Variants in TCF20 observed in about 807,000 individuals in gnomAD.
The protein encoded by TCF20 is transcription factor 20.
In TCF20, 3 loss-of-function variants were observed where a neutral mutation model predicts 148.6. The ratio of observed to expected loss-of-function variants is 0.02; its 90% CI spans 0.01 to 0.05. The LOEUF is 0.05. TCF20 is among the 10% of genes least tolerant of loss of function. The pLI, the probability that TCF20 is intolerant of heterozygous loss-of-function variation, is 1.00. For synonymous variants in TCF20, 1,049 were observed against 909.5 expected, an observed-to-expected ratio of 1.15 and a Z score of -2.76; for missense variants, 2,350 against 2,429.3, an observed-to-expected ratio of 0.97 and a Z score of 0.69.
intron 1 of TCF20, among the ~76,000 whole-genome samples, chr22:42,226,774 A>C (rs1257644944): frequency 6.6e-6 from 1 of 152,178 alleles, no homozygotes; most frequent in Non-Finnish European, 1.5e-5. Flanking sequence ...GATATCAATG[A>C]CCAATCCAAA....
At chr22:42,191,864 G>C (rs1321886708) in intron 2 of TCF20, among the ~76,000 whole-genome samples, 1 of 152,308 alleles carries the variant, frequency 6.6e-6, no homozygotes, top group Admixed American at 6.5e-5. Flanking sequence ...AACCCAGCAG[G>C]AGTAGGAGAC....
At position 42,214,902 on chromosome 22, in the gene TCF20, T is replaced by A. The variant is rs745960358; in HGVS notation, c.404A>T (p.His135Leu). The A allele has an allele frequency of 6.2e-7, 1 of 1,614,070 alleles. No individual in the cohort carries two copies. Among genetic ancestry groups the A allele is most frequent in the African/African-American group, 1.3e-5 (1 of 74,926 alleles). Residue 135 changes from histidine to leucine, a missense_variant, in exon 2 of 6, where the codon CAT becomes CTT. Transcript: ENST00000677622. Reference sequence around the variant, plus strand: ...GTGCTGTGCTTGAAACTGGCCCACATGACCCTCACTCCCATACTGATTGCC... The same window carrying A: ...GTGCTGTGCTTGAAACTGGCCCACAAGACCCTCACTCCCATACTGATTGCC... ...SFGNQYGSEGHVGQFQAQHSG... is the reference protein window; with the variant it reads ...SFGNQYGSEGLVGQFQAQHSG...
chr22:42,336,884 C>A (rs1463741088), intron 1 of TCF20, among the ~76,000 whole-genome samples: 3 of 152,188 alleles, frequency 2.0e-5, no homozygotes, highest in Non-Finnish European at 4.4e-5. Flanking sequence ...CAGCGGTATC[C>A]ACATGTGCAC....
At chr22:42,177,773 C>T (rs1269849379) in intron 3 of TCF20, among the ~76,000 whole-genome samples, 2 of 152,162 alleles carry the variant, frequency 1.3e-5, no homozygotes, top group Admixed American at 6.5e-5. Flanking sequence ...TCCTAAAACC[C>T]GTGTAAATTC....
At chr22:42,191,297 T>C (rs1479550730) in intron 2 of TCF20, among the ~76,000 whole-genome samples, 3 of 152,166 alleles carry the variant, frequency 2.0e-5, no homozygotes, top group African/African-American at 7.2e-5. Context: ...TTGCATTTTA[T>C]TATTATTTTT....
chr22:42,244,184 A>G (rs145787723), intron 1 of TCF20, among the ~76,000 whole-genome samples: 169 of 152,340 alleles, frequency 1.1e-3, no homozygotes, highest in African/African-American at 4.0e-3. Context: ...AGCCTGGGCC[A>G]CACATGGGAA....
rs772830351 is a variant in TCF20, at chr22:42,211,208, C to T, written c.4098G>A (p.Arg1366=). 8 of 1,614,060 alleles carry T rather than the reference C, an allele frequency of 5.0e-6. No homozygotes were observed. Among genetic ancestry groups the T allele is most frequent in the Non-Finnish European group, 6.8e-6 (8 of 1,180,046 alleles). The part of the protein sequence containing the change: ...VQKITSPNIR[R]SASSNSAEAG... ...CCTCCGCACTGTTCGAAGATGCGCT[C>T]CTCCTAATATTTGGGGATGTAATCT... Residue 1366 remains arginine (R), a synonymous_variant, in exon 2 of 6, where the codon AGG becomes AGA. Coordinates refer to ENST00000677622, the MANE Select transcript of TCF20 (RefSeq NM_001378418.1).
intron 1 of TCF20, among the ~76,000 whole-genome samples, chr22:42,233,360 C>T (rs1923602324): frequency 6.6e-6 from 1 of 152,220 alleles, no homozygotes; most frequent in Non-Finnish European, 1.5e-5. Context: ...GGAAGACAGG[C>T]TGGGACTAAC....
intron 1 of TCF20, among the ~76,000 whole-genome samples, chr22:42,238,513 T>A (rs548646138): frequency 6.6e-6 from 1 of 152,262 alleles, no homozygotes; most frequent in Non-Finnish European, 1.5e-5. Flanking sequence ...TTTGGTGCAA[T>A]AGGCCTAGTA....
At chr22:42,206,724 A>C (rs1938414077) in intron 2 of TCF20, among the ~76,000 whole-genome samples, 1 of 152,204 alleles carries the variant, frequency 6.6e-6, no homozygotes, top group Non-Finnish European at 1.5e-5. Flanking sequence ...GGACATGATA[A>C]GAGTAAAGGG....
chr22:42,183,483 G>A (rs1156620604), intron 2 of TCF20, among the ~76,000 whole-genome samples: 1 of 152,180 alleles, frequency 6.6e-6, no homozygotes, highest in Non-Finnish European at 1.5e-5. Flanking sequence ...TGCCAGCAGG[G>A]TCATAGGTGC....
chr22:42,180,366 T>C (rs1220476142), intron 2 of TCF20, among the ~76,000 whole-genome samples: 1 of 152,188 alleles, frequency 6.6e-6, no homozygotes, highest in Non-Finnish European at 1.5e-5. Flanking sequence ...ATTTTGTAAT[T>C]GAGACACTCC....
At chr22:42,261,537 A>C (rs1471522688) in intron 1 of TCF20, among the ~76,000 whole-genome samples, 1 of 152,116 alleles carries the variant, frequency 6.6e-6, no homozygotes, top group Non-Finnish European at 1.5e-5. Context: ...TCAGCTCTTC[A>C]AACATATTTC....
intron 5 of TCF20, among the ~76,000 whole-genome samples, chr22:42,164,161 G>A (rs892774391): frequency 9.2e-5 from 14 of 151,698 alleles, no homozygotes; most frequent in Admixed American, 7.2e-4. Context: ...TAAGGGCACC[G>A]ATGGTCAGGG....
Position 42,213,662 on chromosome 22 carries a change from G to A in TCF20, c.1644C>T (p.Tyr548=). The A allele has an allele frequency of 6.2e-7, 1 of 1,614,090 alleles. No individual in the cohort carries two copies. The highest frequency in any genetic ancestry group is 2.2e-5 in the East Asian group (1 of 44,872). The change falls in exon 2 of 6, where the codon TAC becomes TAT. Residue 548 remains tyrosine, a synonymous_variant. Coordinates refer to ENST00000677622, the MANE Select transcript of TCF20 (RefSeq NM_001378418.1). The part of the protein sequence containing the change: ...SGQSTSSDTT[Y]KGGASEKAGS... ...CAGCTTTCTCAGAGGCTCCACCCTT[G>A]TAGGTGGTGTCAGAGCTGGTGCTCT...
intron 1 of TCF20, among the ~76,000 whole-genome samples, chr22:42,265,607 A>G (rs1266883316): frequency 2.0e-5 from 3 of 152,210 alleles, no homozygotes; most frequent in Non-Finnish European, 4.4e-5. Flanking sequence ...TACCTCCACA[A>G]AAAGAAAATG....
intron 1 of TCF20, among the ~76,000 whole-genome samples, chr22:42,225,148 A>G (rs1235259756): frequency 6.6e-6 from 1 of 151,818 alleles, no homozygotes; most frequent in South Asian, 2.1e-4. Flanking sequence ...GGTGCCTGCC[A>G]CCACGTCCGG....
chr22:42,310,189 C>A (rs568821833), intron 1 of TCF20, among the ~76,000 whole-genome samples: 5 of 152,330 alleles, frequency 3.3e-5, no homozygotes, highest in South Asian at 4.1e-4. Context: ...TAACTGCCTG[C>A]CACACTGAGG....
At position 42,213,712 on chromosome 22, in the gene TCF20, C is replaced by T. The variant is rs375297824; in HGVS notation, c.1594G>A (p.Glu532Lys). 15 of 1,613,946 alleles carry T rather than the reference C, an allele frequency of 9.3e-6. No homozygotes were observed. The highest frequency in any genetic ancestry group is 3.3e-5 in the Admixed American group (2 of 60,002). ...GCSSSSEDQG[E>K]RVRQLSGQST... ...TGGCCACTTAGTTGCCGCACTCTCT[C>T]GCCTTGATCCTCTGAACTGCTGGAG... is the stretch of plus-strand genomic sequence containing the variant. The change falls in exon 2 of 6, where the codon GAG (glutamate) becomes AAG (lysine). Residue 532 changes from glutamate (E) to lysine (K), a missense_variant. By Grantham distance (56) the Glu-to-Lys change is moderately conservative. Transcript: ENST00000677622.
Sources: allele counts gnomAD v4.1 joint callset (sites outside exome capture counted in the v4.1 genomes callset), GRCh38; gene constraint gnomAD v4.1.1; transcripts MANE v1.5; gene names NCBI Gene and HGNC (gene_info 2026-07-23, HGNC 2026-07-21).